Variants in TOM1L2 observed in about 807,000 individuals in gnomAD.
The protein encoded by TOM1L2 is target of myb1 like 2 membrane trafficking protein.
TOM1L2 carries 31 observed loss-of-function variants against 67.9 expected under a neutral mutation model. The observed-to-expected ratio is 0.46, with a 90% CI of 0.34 to 0.62. The LOEUF (loss-of-function observed/expected upper bound fraction) is 0.62. Among genes scored for constraint, TOM1L2 ranks in the 20% least tolerant of loss-of-function variants. TOM1L2 has a pLI of 0.01. For synonymous variants in TOM1L2, 256 were observed against 254.0 expected, an observed-to-expected ratio of 1.01 and a Z score of -0.07; for missense variants, 606 against 663.5, an observed-to-expected ratio of 0.91 and a Z score of 0.95.
At chr17:17,910,233 C>A (rs2039285065) in intron 1 of TOM1L2, among the ~76,000 whole-genome samples, 1 of 152,232 alleles carries the variant, frequency 6.6e-6, no homozygotes, top group East Asian at 1.9e-4. Flanking sequence ...AGGGAAAGGT[C>A]CAGGAGCTCA....
intron 12 of TOM1L2, among the ~76,000 whole-genome samples, chr17:17,854,168 G>C (rs2036142079): frequency 6.6e-6 from 1 of 152,152 alleles, no homozygotes; most frequent in Non-Finnish European, 1.5e-5. Flanking sequence ...TAAATGCCTT[G>C]AGTATTATAA....
At chr17:17,956,688 C>T (rs943151714) in intron 1 of TOM1L2, among the ~76,000 whole-genome samples, 3 of 152,202 alleles carry the variant, frequency 2.0e-5, no homozygotes, top group Admixed American at 6.5e-5. Flanking sequence ...ACTGGCGGGC[C>T]GGCACTGCTG....
At chr17:17,909,483 T>A (rs566423895) in intron 1 of TOM1L2, among the ~76,000 whole-genome samples, 33 of 150,574 alleles carry the variant, frequency 2.2e-4, no homozygotes, top group Admixed American at 3.4e-4. Flanking sequence ...CTAAGTGAAA[T>A]AAGCCTTTCA....
At chr17:17,847,913 G>C (rs1011836617) in intron 14 of TOM1L2, 130 bp from the exon 15 acceptor site, 1 of 1,259,084 alleles carries the variant, frequency 7.9e-7, no homozygotes, top group African/African-American at 1.5e-5. Flanking sequence ...CAGGTGGGTA[G>C]GGAGGGGTTC....
intron 1 of TOM1L2, among the ~76,000 whole-genome samples, chr17:17,944,498 G>A (rs979739244): frequency 3.9e-5 from 6 of 152,178 alleles, no homozygotes; most frequent in Admixed American, 1.3e-4. Context: ...TTTATGATCC[G>A]TGGGATCAGA....
chr17:17,907,386 C>A (rs1390043499), intron 2 of TOM1L2, 61 bp downstream of exon 2: 2 of 1,512,022 alleles, frequency 1.3e-6, no homozygotes, highest in East Asian at 4.5e-5. Flanking sequence ...TAGGCCCTGA[C>A]AAGCTTTGAG....
At position 17,847,629 on chromosome 17, in the gene TOM1L2, A is replaced by G. The variant is rs1473448807; in HGVS notation, c.*6T>C. Reference sequence around the variant, plus strand: ...CGCCATCTGGGGAGGCAAACCACAGAGCTGCTCACAGGGCGAAGAGGGCAT... The same window carrying G: ...CGCCATCTGGGGAGGCAAACCACAGGGCTGCTCACAGGGCGAAGAGGGCAT... On this transcript the variant is annotated 3_prime_UTR_variant, in exon 15 of 15. Coordinates refer to ENST00000379504, the MANE Select transcript of TOM1L2 (RefSeq NM_001082968.2). 1 of 1,603,338 alleles carries G rather than the reference A, an allele frequency of 6.2e-7. No homozygotes were observed. Among genetic ancestry groups the G allele is most frequent in the Non-Finnish European group, 8.5e-7 (1 of 1,174,460 alleles).
At chr17:17,905,769 G>A (rs2039064536) in intron 2 of TOM1L2, among the ~76,000 whole-genome samples, 1 of 152,142 alleles carries the variant, frequency 6.6e-6, no homozygotes, top group Non-Finnish European at 1.5e-5. Flanking sequence ...ACAGTAGACT[G>A]AGTGATCTCT....
chr17:17,867,205 C>T, intron 8 of TOM1L2, among the ~76,000 whole-genome samples: 1 of 151,826 alleles, frequency 6.6e-6, no homozygotes, highest in East Asian at 1.9e-4. Flanking sequence ...CCTCTCCTCA[C>T]ACACCTGGGC....
rs542967154 is a variant in TOM1L2, at chr17:17,892,025, C to T, written c.366+1636G>A. 3.9e-5 allele frequency among the ~76,000 whole-genome samples: 6 copies of T among 152,162 alleles called. No individual in the cohort carries two copies. In the East Asian group the frequency reaches 5.8e-4, roughly 15 times the overall value. ...AGCATGTCCCTGGGTTCTTAGGGAACGAAGAATGAGGCAGACAAAAGAAAT... is the reference window on the plus strand; with the variant it reads ...AGCATGTCCCTGGGTTCTTAGGGAATGAAGAATGAGGCAGACAAAAGAAAT... On this transcript the variant is annotated intron_variant, in intron 4 of 14. Transcript: ENST00000379504.
At chr17:17,896,435 C>T (rs1460794797) in intron 3 of TOM1L2, among the ~76,000 whole-genome samples, 1 of 152,196 alleles carries the variant, frequency 6.6e-6, no homozygotes, top group African/African-American at 2.4e-5. Context: ...CACTGCCCGC[C>T]ATTAGGGAAT....
intron 2 of TOM1L2, among the ~76,000 whole-genome samples, chr17:17,903,685 G>A (rs537774844): frequency 6.6e-6 from 1 of 152,182 alleles, no homozygotes; most frequent in Non-Finnish European, 1.5e-5. Flanking sequence ...GCCTTGCGGG[G>A]GTTGCAGGGC....
chr17:17,956,533 G>A (rs1756346595), intron 1 of TOM1L2, among the ~76,000 whole-genome samples: 2 of 152,238 alleles, frequency 1.3e-5, no homozygotes, highest in African/African-American at 4.8e-5. Flanking sequence ...GGGACCGGGC[G>A]CAGTGGAGCA....
chr17:17,918,060 A>C (rs1177364741), intron 1 of TOM1L2, among the ~76,000 whole-genome samples: 1 of 152,030 alleles, frequency 6.6e-6, no homozygotes, highest in African/African-American at 2.4e-5. Context: ...TTCGGTGCAC[A>C]ATTTTTTGCT....
chr17:17,926,090 G>A (rs776946786), intron 1 of TOM1L2, among the ~76,000 whole-genome samples: 8 of 151,266 alleles, frequency 5.3e-5, no homozygotes, highest in Non-Finnish European at 8.8e-5. Context: ...AGGATCACTT[G>A]AGCACAGGAT....
At chr17:17,939,143 T>C (rs985530655) in intron 1 of TOM1L2, among the ~76,000 whole-genome samples, 1 of 152,244 alleles carries the variant, frequency 6.6e-6, no homozygotes, top group Admixed American at 6.5e-5. Flanking sequence ...CCATCTGAAT[T>C]AAACCTTTGC....
chr17:17,967,406 G>T (rs1021072764), intron 1 of TOM1L2, among the ~76,000 whole-genome samples: 3 of 152,240 alleles, frequency 2.0e-5, no homozygotes, highest in African/African-American at 7.2e-5. Context: ...AAGGAAAACT[G>T]CAAACTGCTG....
chr17:17,970,374 T>A (rs767545045), intron 1 of TOM1L2, among the ~76,000 whole-genome samples: 1 of 152,170 alleles, frequency 6.6e-6, no homozygotes, highest in Non-Finnish European at 1.5e-5. Flanking sequence ...ACATTTGTAT[T>A]TTAAATCCCC....
intron 7 of TOM1L2, among the ~76,000 whole-genome samples, chr17:17,874,117 G>A (rs1004941044): frequency 4.0e-5 from 6 of 151,588 alleles, no homozygotes; most frequent in Non-Finnish European, 7.4e-5. Context: ...CACCAAGCCC[G>A]GCTAATTTTT....
Sources: gnomAD v4.1 joint callset for allele counts (sites outside exome capture counted in the v4.1 genomes callset) on GRCh38, gnomAD v4.1.1 for gene constraint, MANE v1.5 for transcripts, NCBI Gene and HGNC (gene_info 2026-07-23, HGNC 2026-07-21) for gene names.